Variants in C8orf34 observed in about 807,000 individuals in gnomAD.
C8orf34 encodes chromosome 8 open reading frame 34, also known as uncharacterized protein C8orf34.
C8orf34 carries 65 observed loss-of-function variants against 68.3 expected under a neutral mutation model. That is an observed-to-expected ratio of 0.95 (90% CI 0.78 to 1.17). The LOEUF (loss-of-function observed/expected upper bound fraction) is 1.17, where lower values mean the gene tolerates loss of function less well. Ranked by LOEUF, C8orf34 falls within the 50% of genes most tolerant of loss-of-function variation. The pLI is 0.00. For synonymous variants in C8orf34, 244 were observed against 241.2 expected, an observed-to-expected ratio of 1.01 and a Z score of -0.11; for missense variants, 664 against 655.4, an observed-to-expected ratio of 1.01 and a Z score of -0.14.
In C8orf34 at chr8:68,717,429, C is replaced by T. The variant is rs547939858; in HGVS notation, c.1328-3932C>T. ...AATGGCATGAACCCGGAAGGAGGAG[C>T]TTGCAGTGAGCCAATTTCGTGCCAC... On this transcript the variant is annotated intron_variant, in intron 9 of 13. Coordinates refer to ENST00000518698, the MANE Select transcript of C8orf34 (RefSeq NM_052958.4). Among the ~76,000 whole-genome samples, 437 of 151,198 alleles carry T rather than the reference C, an allele frequency of 2.9e-3. 1 individual carries two copies. Among genetic ancestry groups the T allele is most frequent in the African/African-American group, 0.01 (418 of 41,156 alleles).
chr8:68,629,855 G>A (rs547741013), intron 7 of C8orf34, among the ~76,000 whole-genome samples: 16 of 152,090 alleles, frequency 1.1e-4, no homozygotes, highest in Middle Eastern at 3.4e-3. Flanking sequence ...AAGGGCGTGC[G>A]TATGTGTGTA....
intron 12 of C8orf34, among the ~76,000 whole-genome samples, chr8:68,812,800 G>T (rs2958324): frequency 0.44 from 67,024 of 151,946 alleles, 17,697 homozygotes; most frequent in African/African-American, 0.74. Flanking sequence ...ACTTGAGAAG[G>T]GGCCACACCT....
At chr8:68,509,822 AC>A (rs1281346340) in intron 5 of C8orf34, among the ~76,000 whole-genome samples, 2 of 151,936 alleles carry the variant, frequency 1.3e-5, no homozygotes, top group Non-Finnish European at 2.9e-5. Context: ...AATCCTGGAG[AC>A]CATGGCAGAT....
chr8:68,494,370 G>T (rs1370463469), intron 5 of C8orf34, among the ~76,000 whole-genome samples: 1 of 152,164 alleles, frequency 6.6e-6, no homozygotes, highest in Admixed American at 6.5e-5. Context: ...GAGCTGAGGG[G>T]AAGGGGAAAT....
At chr8:68,493,536 A>G (rs1366631089) in intron 5 of C8orf34, among the ~76,000 whole-genome samples, 1 of 152,214 alleles carries the variant, frequency 6.6e-6, no homozygotes, top group East Asian at 1.9e-4. Flanking sequence ...GTTTGTGGGA[A>G]TGTAAAATGG....
At chr8:68,517,390 C>G (rs1211389181) in intron 5 of C8orf34, among the ~76,000 whole-genome samples, 1 of 152,086 alleles carries the variant, frequency 6.6e-6, no homozygotes, top group African/African-American at 2.4e-5. Flanking sequence ...TTCATCAACA[C>G]TAGAATGGGA....
intron 10 of C8orf34, among the ~76,000 whole-genome samples, chr8:68,735,205 A>G (rs1046694373): frequency 6.6e-6 from 1 of 152,142 alleles, no homozygotes; most frequent in Non-Finnish European, 1.5e-5. Context: ...TAGTTTCTGG[A>G]GGCCAGGGAG....
chr8:68,566,646 A>G (rs934792371), intron 7 of C8orf34, among the ~76,000 whole-genome samples: 2 of 152,210 alleles, frequency 1.3e-5, no homozygotes, highest in African/African-American at 4.8e-5. Context: ...ATTGAAGAGA[A>G]CCAGGTCCTT....
intron 7 of C8orf34, among the ~76,000 whole-genome samples, chr8:68,570,399 A>G (rs1816727541): frequency 6.6e-6 from 1 of 152,210 alleles, no homozygotes; most frequent in Non-Finnish European, 1.5e-5. Context: ...TAGATAGAGT[A>G]ATGCAGTGAT....
intron 10 of C8orf34, among the ~76,000 whole-genome samples, chr8:68,744,157 A>C (rs923027951): frequency 6.6e-6 from 1 of 152,190 alleles, no homozygotes; most frequent in Non-Finnish European, 1.5e-5. Context: ...ACTCCAACAG[A>C]CCTTCAGCTG....
intron 10 of C8orf34, among the ~76,000 whole-genome samples, chr8:68,744,568 C>T (rs1185253475): frequency 2.6e-5 from 4 of 151,798 alleles, no homozygotes; most frequent in South Asian, 2.1e-4. Flanking sequence ...AACCAAGGCT[C>T]GAGAACTACG....
intron 7 of C8orf34, chr8:68,625,472 A>G: frequency 1.8e-6 from 1 of 568,872 alleles, no homozygotes; most frequent in South Asian, 2.2e-5. Flanking sequence ...AAAATGAAAC[A>G]GAATTGAAAA....
intron 7 of C8orf34, among the ~76,000 whole-genome samples, chr8:68,634,154 TTC>T (rs1237476878): frequency 6.6e-6 from 1 of 152,202 alleles, no homozygotes; most frequent in Non-Finnish European, 1.5e-5. Context: ...CTGTACAGAA[TTC>T]TCTCTGTCTC....
At chr8:68,804,171 G>T (rs572047887) in intron 12 of C8orf34, among the ~76,000 whole-genome samples, 1 of 152,028 alleles carries the variant, frequency 6.6e-6, no homozygotes, top group East Asian at 1.9e-4. Flanking sequence ...CTCATTTAAG[G>T]CCCTATGTAT....
At chr8:68,733,622 G>T (rs1822044895) in intron 10 of C8orf34, among the ~76,000 whole-genome samples, 1 of 152,010 alleles carries the variant, frequency 6.6e-6, no homozygotes, top group Non-Finnish European at 1.5e-5. Context: ...AGAAAAGCTT[G>T]GGAGACCTTT....
intron 10 of C8orf34, among the ~76,000 whole-genome samples, chr8:68,757,728 C>A (rs1237807166): frequency 6.6e-6 from 1 of 152,170 alleles, no homozygotes; most frequent in Non-Finnish European, 1.5e-5. Context: ...TTAGGCCAAG[C>A]TGAATTTTGA....
At chr8:68,786,100 T>C (rs545500248) in intron 11 of C8orf34, among the ~76,000 whole-genome samples, 1 of 152,216 alleles carries the variant, frequency 6.6e-6, no homozygotes, top group Non-Finnish European at 1.5e-5. Context: ...TGGAGAAAAA[T>C]ATAATTGAAA....
intron 8 of C8orf34, among the ~76,000 whole-genome samples, chr8:68,688,200 T>C (rs544482440): frequency 6.6e-6 from 1 of 152,170 alleles, no homozygotes; most frequent in South Asian, 2.1e-4. Context: ...CTATGGAAAA[T>C]AGTATGGAGA....
chr8:68,689,410 A>T (rs1164545756), intron 8 of C8orf34, among the ~76,000 whole-genome samples: 3 of 152,152 alleles, frequency 2.0e-5, no homozygotes, highest in Admixed American at 1.3e-4. Context: ...CAATTGAAAT[A>T]AAAAAATTGA....
Sources: gnomAD v4.1 joint callset for allele counts (sites outside exome capture counted in the v4.1 genomes callset) on GRCh38, gnomAD v4.1.1 for gene constraint, MANE v1.5 for transcripts, NCBI Gene and HGNC (gene_info 2026-07-23, HGNC 2026-07-21) for gene names.